Variants in NTRK2 observed in about 807,000 individuals in gnomAD.
NTRK2 encodes BDNF/NT-3 growth factors receptor.
In NTRK2, 13 loss-of-function variants were observed where a neutral mutation model predicts 94.5. That is an observed-to-expected ratio of 0.14 (90% CI 0.09 to 0.22). NTRK2 has a LOEUF of 0.22. Ranked by LOEUF, NTRK2 falls within the 10% of genes least tolerant of loss-of-function variation. The pLI, the probability that NTRK2 is intolerant of heterozygous loss-of-function variation, is 1.00. For synonymous variants in NTRK2, 372 were observed against 407.4 expected (o/e 0.91, Z 1.05); for missense variants, 639 against 1,071.2 (o/e 0.60, Z 5.63).
At chr9:84,814,291 G>T (rs200411580) in intron 12 of NTRK2, 4 of 1,065,214 alleles carry the variant, frequency 3.8e-6, no homozygotes, top group Admixed American at 1.1e-4. Context: ...GAGCAGAGGC[G>T]ACACCTCTTC....
At chr9:84,930,772 G>A (rs2077997343) in intron 14 of NTRK2, among the ~76,000 whole-genome samples, 1 of 152,134 alleles carries the variant, frequency 6.6e-6, no homozygotes, top group Non-Finnish European at 1.5e-5. Flanking sequence ...CTGTGGTGTT[G>A]TAGGGAAATG....
intron 12 of NTRK2, among the ~76,000 whole-genome samples, chr9:84,773,356 A>C (rs1481988898): frequency 3.3e-5 from 5 of 152,218 alleles, no homozygotes; most frequent in Middle Eastern, 3.2e-3. Context: ...CAAGACTAAT[A>C]AATATATAAG....
rs1221676670 is a variant in NTRK2 at position 85,021,817 on chromosome 9, A to G, written c.*380A>G. The stretch of plus-strand genomic sequence containing the variant: ...AAGGCCTTAACAAACGTAATTTGTT[A>G]TATCAGCAGACACTCCAGTTTGCCC... On this transcript the variant is annotated 3_prime_UTR_variant, in exon 19 of 19. Transcript: ENST00000277120. 1 of 316,594 alleles carries G rather than the reference A, an allele frequency of 3.2e-6. No individual in the cohort carries two copies. Among genetic ancestry groups the G allele is most frequent in the Non-Finnish European group, 5.9e-6 (1 of 169,490 alleles). The allele number at this position is 316,594 out of a possible 1,614,324, so 19.6% of individuals were successfully genotyped here. A position where few individuals can be genotyped will look rare whatever the true frequency, so the allele number is the denominator to read the frequency against.
At chr9:84,836,578 T>A (rs940990157) in intron 12 of NTRK2, among the ~76,000 whole-genome samples, 1 of 149,212 alleles carries the variant, frequency 6.7e-6, no homozygotes, top group Non-Finnish European at 1.5e-5. Context: ...GTAATGTTAT[T>A]GTTTTCTAGC....
intron 2 of NTRK2, among the ~76,000 whole-genome samples, chr9:84,701,185 G>A (rs1382564106): frequency 6.6e-6 from 1 of 152,208 alleles, no homozygotes; most frequent in African/African-American, 2.4e-5. Flanking sequence ...ATTAACTTAG[G>A]TTAGTGACAT....
At chr9:84,772,797 A>G (rs749631113) in intron 12 of NTRK2, among the ~76,000 whole-genome samples, 7 of 152,178 alleles carry the variant, frequency 4.6e-5, no homozygotes, top group Non-Finnish European at 7.4e-5. Context: ...AGGCAGTGTT[A>G]CTTACTGAGG....
intron 15 of NTRK2, among the ~76,000 whole-genome samples, chr9:84,936,801 T>G (rs2078227149): frequency 6.6e-6 from 1 of 152,198 alleles, no homozygotes; most frequent in Non-Finnish European, 1.5e-5. Context: ...GACTAAAAAT[T>G]CATTCTAACT....
intron 14 of NTRK2, among the ~76,000 whole-genome samples, chr9:84,916,877 G>T (rs925471894): frequency 5.9e-5 from 9 of 152,192 alleles, no homozygotes; most frequent in Non-Finnish European, 1.3e-4. Flanking sequence ...GATTTACGGT[G>T]ACATCTATTA....
At chr9:84,958,568 G>A (rs762527452) in intron 17 of NTRK2, among the ~76,000 whole-genome samples, 4 of 152,134 alleles carry the variant, frequency 2.6e-5, no homozygotes, top group Admixed American at 2.0e-4. Context: ...CACCCCCGTG[G>A]CCACTACTCG....
intron 10 of NTRK2, among the ~76,000 whole-genome samples, chr9:84,742,275 A>G (rs1286850298): frequency 6.6e-6 from 1 of 152,218 alleles, no homozygotes; most frequent in Non-Finnish European, 1.5e-5. Flanking sequence ...CTATGACAGT[A>G]AAGCCAATTC....
rs1010914460 is a variant in NTRK2 at position 85,022,806 on chromosome 9, G to A, written c.*1369G>A. The A allele has an allele frequency of 4.3e-6, 1 of 233,190 alleles. No individual in the cohort carries two copies. The highest frequency in any genetic ancestry group is 2.2e-5 in the African/African-American group (1 of 45,426). The allele number at this position is 233,190 out of a possible 1,614,324, so 14.4% of individuals were successfully genotyped here. The stretch of plus-strand genomic sequence containing the variant: ...TTGTACGGTGGTGATGGGTTTTAAT[G>A]AATATGGACCCTGAAGCCTGGAAAT... On this transcript the variant is annotated 3_prime_UTR_variant, in exon 19 of 19. Transcript: ENST00000277120.
intron 12 of NTRK2, among the ~76,000 whole-genome samples, chr9:84,817,640 C>T (rs962103497): frequency 6.6e-6 from 1 of 152,138 alleles, no homozygotes; most frequent in African/African-American, 2.4e-5. Flanking sequence ...ATTAACTTTA[C>T]TTTTTGAATT....
intron 15 of NTRK2, among the ~76,000 whole-genome samples, chr9:84,947,672 G>A (rs1192951269): frequency 2.6e-5 from 4 of 152,212 alleles, no homozygotes; most frequent in Admixed American, 1.3e-4. Flanking sequence ...TTATATACAT[G>A]TCATATCTCC....
chr9:84,987,384 A>C (rs1022464289), intron 17 of NTRK2, among the ~76,000 whole-genome samples: 1 of 152,216 alleles, frequency 6.6e-6, no homozygotes. Context: ...AAATGCAAAC[A>C]GTATTCTTTA....
intron 12 of NTRK2, among the ~76,000 whole-genome samples, chr9:84,845,883 A>C (rs1381533954): frequency 2.0e-5 from 3 of 151,986 alleles, no homozygotes; most frequent in African/African-American, 7.3e-5. Context: ...GAATTCATCC[A>C]TGTAACCAAA....
intron 2 of NTRK2, among the ~76,000 whole-genome samples, chr9:84,673,888 C>T (rs1329156534): frequency 1.3e-5 from 2 of 152,186 alleles, no homozygotes; most frequent in African/African-American, 4.8e-5. Flanking sequence ...TAAGTGGCAG[C>T]TCCTGTTATT....
chr9:84,718,032 TTCCTCTTCTTCC>T (rs986062890), intron 6 of NTRK2, among the ~76,000 whole-genome samples: 2 of 134,280 alleles, frequency 1.5e-5, no homozygotes, highest in African/African-American at 2.9e-5. Flanking sequence ...CCTCTTCCCC[TTCCTCTTCTTCC>T]TCCTCTTCTT....
chr9:84,861,851 C>A (rs1035777619), intron 13 of NTRK2, among the ~76,000 whole-genome samples: 7 of 152,144 alleles, frequency 4.6e-5, no homozygotes, highest in African/African-American at 1.7e-4. Flanking sequence ...CTTTTGGTAG[C>A]AAGGTTGGCC....
At chr9:84,951,895 C>A (rs575211259) in intron 16 of NTRK2, among the ~76,000 whole-genome samples, 1 of 152,148 alleles carries the variant, frequency 6.6e-6, no homozygotes. Context: ...GTCTCCCTAC[C>A]CTCTTTATTC....
Sources: gnomAD v4.1 joint callset for allele counts (sites outside exome capture counted in the v4.1 genomes callset) on GRCh38, gnomAD v4.1.1 for gene constraint, MANE v1.5 for transcripts, NCBI Gene and HGNC (gene_info 2026-07-23, HGNC 2026-07-21) for gene names.